Variants in CDH12 observed in about 807,000 individuals in gnomAD.
CDH12 encodes the protein cadherin-12.
CDH12 carries 41 observed loss-of-function variants against 74.1 expected under a neutral mutation model. The observed-to-expected ratio is 0.55, with a 90% CI of 0.43 to 0.72. The LOEUF (loss-of-function observed/expected upper bound fraction) is 0.72, where lower values mean the gene tolerates loss of function less well. Among genes scored for constraint, CDH12 ranks in the 30% least tolerant of loss-of-function variants. The probability of loss-of-function intolerance (pLI) is 0.00; values close to 1 mark genes in which losing one functional copy is unlikely to be tolerated. For missense variants in CDH12, 945 were observed against 977.2 expected (o/e 0.97, Z 0.44); for synonymous variants, 399 against 355.0 (o/e 1.12, Z -1.39).
At chr5:22,491,606 T>C (rs560560596) in intron 2 of CDH12, among the ~76,000 whole-genome samples, 1 of 53,930 alleles carries the variant, frequency 1.9e-5, no homozygotes, top group South Asian at 7.8e-4. Flanking sequence ...GGACAGCTAA[T>C]GAGCAAAAAA....
Position 21,816,988 on chromosome 5 carries a change from A to G in CDH12, c.959T>C (p.Val320Ala), listed in dbSNP as rs1022127732. 1.9e-6 allele frequency: 3 copies of G among 1,612,386 alleles called. No individual in the cohort carries two copies. In the African/African-American group the frequency reaches 4.0e-5, roughly 22 times the overall value. The change falls in exon 9 of 15, where the codon GTC becomes GCC. Residue 320 changes from valine to alanine, a missense_variant. Physicochemically the swap from Val to Ala is moderately conservative, Grantham distance 64. Transcript: ENST00000382254. ...TCCCTCTTGTGTATCCTCATCTGTG[A>G]CGATGTCAAACAAATTTCCCCCATC... ...PGDGGNLFDI[V>A]TDEDTQEGVI...
chr5:22,270,999 A>T (rs1191588760), intron 3 of CDH12, among the ~76,000 whole-genome samples: 2 of 152,044 alleles, frequency 1.3e-5, no homozygotes, highest in African/African-American at 4.8e-5. Context: ...TTGGCTCTAT[A>T]ATAAGCATAT....
chr5:21,832,288 A>G (rs1160862768), intron 8 of CDH12, among the ~76,000 whole-genome samples: 1 of 152,106 alleles, frequency 6.6e-6, no homozygotes, highest in African/African-American at 2.4e-5. Flanking sequence ...AAAATGATTC[A>G]TGCTCTCGTT....
intron 4 of CDH12, among the ~76,000 whole-genome samples, chr5:22,181,915 A>G (rs1680122811): frequency 6.6e-6 from 1 of 152,094 alleles, no homozygotes; most frequent in Admixed American, 6.6e-5. Flanking sequence ...GTCTTGCCAC[A>G]TCTCTCCATA....
At chr5:22,784,552 C>T (rs1747533688) in intron 1 of CDH12, among the ~76,000 whole-genome samples, 1 of 152,070 alleles carries the variant, frequency 6.6e-6, no homozygotes, top group South Asian at 2.1e-4. Flanking sequence ...CTAAATTGTT[C>T]TCAAAGTCCT....
intron 1 of CDH12, among the ~76,000 whole-genome samples, chr5:22,824,190 A>G (rs1438324522): frequency 1.3e-5 from 2 of 152,166 alleles, no homozygotes; most frequent in East Asian, 1.9e-4. Flanking sequence ...AAGATTGTAT[A>G]CAAAGCAAAA....
At chr5:22,165,513 TAC>T (rs375658781) in intron 4 of CDH12, among the ~76,000 whole-genome samples, 10,128 of 53,784 alleles carry the variant, frequency 0.19, 437 homozygotes, top group South Asian at 0.4. Flanking sequence ...CACACACACA[TAC>T]ACACACACAC....
At chr5:22,164,697 C>T (rs1251155180) in intron 4 of CDH12, among the ~76,000 whole-genome samples, 3 of 151,552 alleles carry the variant, frequency 2.0e-5, no homozygotes, top group Non-Finnish European at 4.4e-5. Flanking sequence ...TGCTCTCAGG[C>T]AATAGATGAT....
At chr5:22,072,722 C>A (rs936351685) in intron 5 of CDH12, among the ~76,000 whole-genome samples, 3 of 151,982 alleles carry the variant, frequency 2.0e-5, no homozygotes, top group Non-Finnish European at 4.4e-5. Flanking sequence ...ATCCCTCCCC[C>A]CTCTCCCCAC....
chr5:22,050,445 A>G (rs746347832), intron 5 of CDH12, among the ~76,000 whole-genome samples: 1 of 152,196 alleles, frequency 6.6e-6, no homozygotes, highest in Non-Finnish European at 1.5e-5. Flanking sequence ...CCTGACACAC[A>G]GAGGTTCACA....
At chr5:22,309,871 G>A (rs1738303245) in intron 3 of CDH12, among the ~76,000 whole-genome samples, 1 of 151,612 alleles carries the variant, frequency 6.6e-6, no homozygotes, top group Admixed American at 6.6e-5. Flanking sequence ...TTTGGGAAGG[G>A]GGAACTAAAC....
intron 5 of CDH12, among the ~76,000 whole-genome samples, chr5:21,992,337 T>A (rs1757788364): frequency 6.6e-6 from 1 of 152,330 alleles, no homozygotes; most frequent in Non-Finnish European, 1.5e-5. Flanking sequence ...TGAAATAAAT[T>A]GATTTCAGGC....
chr5:22,173,301 TATA>T (rs1749142765), intron 4 of CDH12, among the ~76,000 whole-genome samples: 2 of 146,822 alleles, frequency 1.4e-5, no homozygotes, highest in Non-Finnish European at 3.0e-5. Context: ...AATTATATAA[TATA>T]ATTTACATTT....
At chr5:22,772,430 C>G (rs1746853091) in intron 1 of CDH12, among the ~76,000 whole-genome samples, 1 of 151,910 alleles carries the variant, frequency 6.6e-6, no homozygotes, top group Non-Finnish European at 1.5e-5. Flanking sequence ...AGTGAACTAC[C>G]AGACACCAAG....
intron 8 of CDH12, 90 bp from the exon 9 acceptor site, chr5:21,817,222 G>A (rs1220032158): frequency 6.0e-6 from 5 of 833,188 alleles, no homozygotes; most frequent in Middle Eastern, 2.3e-4. Flanking sequence ...TCCACTGAAA[G>A]TAAATCACAT....
At chr5:22,384,900 A>G (rs1741934720) in intron 3 of CDH12, among the ~76,000 whole-genome samples, 1 of 152,200 alleles carries the variant, frequency 6.6e-6, no homozygotes, top group Admixed American at 6.5e-5. Context: ...TTAATATTTT[A>G]AATTCCCTAC....
At chr5:22,778,411 G>A (rs1038231755) in intron 1 of CDH12, among the ~76,000 whole-genome samples, 2 of 152,118 alleles carry the variant, frequency 1.3e-5, no homozygotes, top group Non-Finnish European at 2.9e-5. Context: ...AAGAAAGTGA[G>A]GAAAGAGCTG....
At position 22,611,614 on chromosome 5, in the gene CDH12, C is replaced by T. The variant is rs556372196; in HGVS notation, c.-522-106250G>A. Among the ~76,000 whole-genome samples, 4 of 152,202 alleles carry T rather than the reference C, an allele frequency of 2.6e-5. No homozygotes were observed. In the East Asian group the frequency reaches 7.7e-4, roughly 29 times the overall value. ...AAGATAGAGAGCAGTAACCAGAAAC[C>T]AGAGTATTATTCATATAGAGATGGT... is the stretch of plus-strand genomic sequence containing the variant. On this transcript the variant is annotated intron_variant, in intron 1 of 14. Transcript: ENST00000382254.
At chr5:22,809,979 T>C (rs1423030796) in intron 1 of CDH12, among the ~76,000 whole-genome samples, 1 of 152,184 alleles carries the variant, frequency 6.6e-6, no homozygotes, top group Admixed American at 6.6e-5. Context: ...ATTTTAGTAT[T>C]ATAAAACTCA....
Sources: gnomAD v4.1 joint callset for allele counts (sites outside exome capture counted in the v4.1 genomes callset) on GRCh38, gnomAD v4.1.1 for gene constraint, MANE v1.5 for transcripts, NCBI Gene and HGNC (gene_info 2026-07-23, HGNC 2026-07-21) for gene names.